Variants in PIWIL4 observed in about 807,000 individuals in gnomAD.
PIWIL4 encodes piwi-like protein 4.
PIWIL4 carries 50 observed loss-of-function variants against 100.9 expected under a neutral mutation model. The observed-to-expected ratio is 0.50, with a 90% CI of 0.39 to 0.63. The LOEUF (loss-of-function observed/expected upper bound fraction) is 0.63. Ranked by LOEUF, PIWIL4 falls within the 20% of genes least tolerant of loss-of-function variation. PIWIL4 has a pLI of 0.00. For missense variants in PIWIL4, 887 were observed against 1,043.3 expected (o/e 0.85, Z 2.06); for synonymous variants, 342 against 367.5 (o/e 0.93, Z 0.79).
intron 10 of PIWIL4, 54 bp from the exon 11 acceptor site, chr11:94,597,750 C>A: frequency 7.8e-7 from 1 of 1,289,946 alleles, no homozygotes; most frequent in Non-Finnish European, 1.1e-6. Context: ...CTGACGAATT[C>A]AGTAAGTTAT....
intron 4 of PIWIL4, among the ~76,000 whole-genome samples, chr11:94,579,322 T>C (rs1224124617): frequency 2.6e-5 from 4 of 152,218 alleles, no homozygotes; most frequent in African/African-American, 9.6e-5. Flanking sequence ...TTTATCCACC[T>C]TTTTACACAT....
At chr11:94,588,348 T>G (rs114902719) in intron 7 of PIWIL4, among the ~76,000 whole-genome samples, 346 of 152,326 alleles carry the variant, frequency 2.3e-3, no homozygotes, top group African/African-American at 8.0e-3. Context: ...AGCTTTCTAT[T>G]CTGGCTTAGA....
intron 11 of PIWIL4, among the ~76,000 whole-genome samples, chr11:94,601,060 G>C (rs997669693): frequency 6.7e-6 from 1 of 149,938 alleles, no homozygotes; most frequent in Non-Finnish European, 1.5e-5. Context: ...GTCCTGAGGC[G>C]ACATGCATCC....
intron 14 of PIWIL4, chr11:94,608,366 C>T (rs1948748085): frequency 2.1e-6 from 1 of 467,562 alleles, no homozygotes; most frequent in African/African-American, 2.0e-5. Flanking sequence ...GGTAGTGTTT[C>T]TCTTAAGATA....
At chr11:94,606,405 A>G (rs1948717352) in intron 13 of PIWIL4, among the ~76,000 whole-genome samples, 1 of 152,234 alleles carries the variant, frequency 6.6e-6, no homozygotes, top group South Asian at 2.1e-4. Flanking sequence ...AGGTGGAAAA[A>G]TTACTTTGTT....
Position 94,616,802 on chromosome 11 carries a change from T to C in PIWIL4, c.2014+239T>C, listed in dbSNP as rs557859434. Reference sequence around the variant, plus strand: ...ACATGAAGCCAGAAGGAAGGAAAATTTGTGGCTGCTGGTTTCCCTGACAAG... The same window carrying C: ...ACATGAAGCCAGAAGGAAGGAAAATCTGTGGCTGCTGGTTTCCCTGACAAG... On this transcript the variant is annotated intron_variant, in intron 16 of 19. Coordinates refer to ENST00000299001, the MANE Select transcript of PIWIL4 (RefSeq NM_152431.3). 5.3e-5 allele frequency among the ~76,000 whole-genome samples: 8 copies of C among 152,278 alleles called. No individual in the cohort carries two copies. In the South Asian group the frequency reaches 1.7e-3, roughly 32 times the overall value.
chr11:94,591,700 G>C (rs1367808596), intron 8 of PIWIL4, among the ~76,000 whole-genome samples: 1 of 152,006 alleles, frequency 6.6e-6, no homozygotes, highest in East Asian at 1.9e-4. Context: ...GTGCTTCACT[G>C]CATATATATT....
chr11:94,578,202 C>T (rs991593423), intron 4 of PIWIL4, among the ~76,000 whole-genome samples: 1 of 152,072 alleles, frequency 6.6e-6, no homozygotes, highest in Non-Finnish European at 1.5e-5. Flanking sequence ...ACTGGTAAAG[C>T]CAGGTTTCAT....
chr11:94,579,997 C>T (rs574295184), intron 4 of PIWIL4, among the ~76,000 whole-genome samples: 11 of 152,128 alleles, frequency 7.2e-5, no homozygotes, highest in South Asian at 2.1e-4. Context: ...GAATGAAGAC[C>T]GTATACGCTA....
chr11:94,619,800 C>T lies in PIWIL4; in HGVS notation c.2209C>T (p.Pro737Ser). ...SVIVVRKKCM[P>S]RFFTEMNRTV... ...GATTGTGGTCAGGAAGAAGTGCATG[C>T]CACGATTCTTTACCGAAATGAACCG... The change falls in exon 18 of 20, where the codon CCA becomes TCA. Residue 737 changes from proline to serine, a missense_variant. Pro to Ser is a moderately conservative substitution (Grantham distance 74). This residue lies in a region of PIWIL4 where 741 missense variants were observed against 930.0 expected (regional missense o/e 0.80). Coordinates refer to ENST00000299001, the MANE Select transcript of PIWIL4 (RefSeq NM_152431.3). The T allele has an allele frequency of 6.2e-7, 1 of 1,614,146 alleles. No homozygotes were observed. Among genetic ancestry groups the T allele is most frequent in the Non-Finnish European group, 8.5e-7 (1 of 1,180,022 alleles).
Position 94,612,696 on chromosome 11 carries a change from T to C in PIWIL4, c.1944-3797T>C, listed in dbSNP as rs189310816. Among the ~76,000 whole-genome samples the C allele has an allele frequency of 3.8e-3, 577 of 152,280 alleles. 6 individuals carry two copies. Among genetic ancestry groups the C allele is most frequent in the Non-Finnish European group, 4.4e-3 (298 of 67,992 alleles). On this transcript the variant is annotated intron_variant, in intron 15 of 19. Coordinates refer to ENST00000299001, the MANE Select transcript of PIWIL4 (RefSeq NM_152431.3). ...GCTTTACTCCTTTCTCTTTTTTGTT[T>C]TGAGTATCTACTATGGATTTTTGCT...
intron 15 of PIWIL4, 38 bp downstream of exon 15, chr11:94,608,724 T>C (rs1403079453): frequency 6.5e-7 from 1 of 1,531,758 alleles, no homozygotes. Context: ...CTTCATTTAG[T>C]TAGACTATTA....
In PIWIL4 at chr11:94,620,038, C is replaced by T; in HGVS notation, c.2336C>T (p.Thr779Ile). The change falls in exon 19 of 20, where the codon ACT becomes ATT. Residue 779 changes from threonine to isoleucine, a missense_variant. Around this residue, in one of 2 missense-constraint regions of PIWIL4, gnomAD observed 741 missense variants for 930.0 expected, o/e 0.80. Transcript: ENST00000299001. ...YLISQVACRG[T>I]VSPTYYNVIY... ...ATCAGCCAGGTGGCCTGCCGGGGAA[C>T]TGTTAGTCCTACCTACTATAATGTC... The T allele has an allele frequency of 6.2e-7, 1 of 1,614,142 alleles. No homozygotes were observed. Among genetic ancestry groups the T allele is most frequent in the Non-Finnish European group, 8.5e-7 (1 of 1,180,012 alleles).
Position 94,621,099 on chromosome 11 carries a change from C to T in PIWIL4, c.*107C>T. 1.4e-6 allele frequency: 1 copy of T among 734,554 alleles called. No homozygotes were observed. Among genetic ancestry groups the T allele is most frequent in the Non-Finnish European group, 2.2e-6 (1 of 448,712 alleles). The allele number at this position is 734,554 out of a possible 1,614,324, so 45.5% of individuals were successfully genotyped here. A position where few individuals can be genotyped will look rare whatever the true frequency, so the allele number is the denominator to read the frequency against. On this transcript the variant is annotated 3_prime_UTR_variant, in exon 20 of 20. Coordinates refer to ENST00000299001, the MANE Select transcript of PIWIL4 (RefSeq NM_152431.3). The stretch of plus-strand genomic sequence containing the variant: ...GCTGTGACTGGGGAAAAAGATTGAG[C>T]TTAGTTTTCATGTCTAGGAAAAAAA...
chr11:94,607,970 C>T (rs1948742858), intron 14 of PIWIL4, among the ~76,000 whole-genome samples: 1 of 152,132 alleles, frequency 6.6e-6, no homozygotes, highest in Admixed American at 6.5e-5. Flanking sequence ...TGGATGGGGC[C>T]TCCCCAGAGC....
chr11:94,595,277 T>G (rs1948541184), intron 9 of PIWIL4, 32 bp from the exon 10 acceptor site: 1 of 1,591,640 alleles, frequency 6.3e-7, no homozygotes, highest in East Asian at 2.2e-5. Context: ...TTATGTTCAT[T>G]TTCTCACTTT....
chr11:94,597,345 T>C (rs1250063752), intron 10 of PIWIL4, among the ~76,000 whole-genome samples: 1 of 152,226 alleles, frequency 6.6e-6, no homozygotes, highest in East Asian at 1.9e-4. Context: ...GAGTGTGTTA[T>C]CAGGAATGAT....
At chr11:94,604,517 C>G (rs537350265) in intron 13 of PIWIL4, among the ~76,000 whole-genome samples, 1 of 152,312 alleles carries the variant, frequency 6.6e-6, no homozygotes, top group East Asian at 1.9e-4. Flanking sequence ...TGCTGCATCA[C>G]CTGGTGGGAC....
At chr11:94,576,142 T>G (rs1322636585) in intron 3 of PIWIL4, among the ~76,000 whole-genome samples, 1 of 152,160 alleles carries the variant, frequency 6.6e-6, no homozygotes, top group Admixed American at 6.5e-5. Flanking sequence ...TTCTTTTCTT[T>G]TCTTTTTTTG....
Sources: gnomAD v4.1 joint callset for allele counts (sites outside exome capture counted in the v4.1 genomes callset) on GRCh38, gnomAD v4.1.1 for gene constraint, gnomAD v4.1.1 regional missense constraint, MANE v1.5 for transcripts, NCBI Gene and HGNC (gene_info 2026-07-23, HGNC 2026-07-21) for gene names.